The following PLAC1 variants were observed in gnomAD, a reference collection of about 807,000 sequenced individuals.
The protein encoded by PLAC1 is placenta-specific protein 1.
For synonymous variants in PLAC1, 68 were observed against 62.1 expected (o/e 1.09, Z -0.44); for missense variants, 136 against 163.2 (o/e 0.83, Z 0.91).
intron 2 of PLAC1, among the ~76,000 whole-genome samples, chrX:134,696,116 C>T (rs1349352609): frequency 8.9e-6 from 1 of 112,041 alleles, no homozygotes; most frequent in East Asian, 2.8e-4. Context: ...TCAGATTTAA[C>T]TGGCTTTCCT....
chrX:134,748,987 G>A (rs1028449795), intron 1 of PLAC1, among the ~76,000 whole-genome samples: 2 of 111,983 alleles, frequency 1.8e-5, no homozygotes, highest in Non-Finnish European at 3.8e-5. Context: ...TTTTTGACAC[G>A]AATCAGCCTT....
rs1384259167 is a variant in PLAC1 at position 134,576,710 on chromosome X, A to C, written c.-58-9970T>G. Among the ~76,000 whole-genome samples the C allele has an allele frequency of 4.5e-5, 5 of 111,506 alleles. No homozygotes were observed. In the Admixed American group the frequency reaches 4.8e-4, roughly 11 times the overall value. ...ACTTATGTCTTTACAAAAGGGGAAA[A>C]TGTGGACACAGAGACAGACACACAC... is the stretch of plus-strand genomic sequence containing the variant. On this transcript the variant is annotated intron_variant, in intron 2 of 2. Transcript: ENST00000359237.
intron 2 of PLAC1, among the ~76,000 whole-genome samples, chrX:134,684,598 A>T (rs1183792452): frequency 1.8e-5 from 2 of 111,217 alleles, no homozygotes; most frequent in African/African-American, 6.6e-5. Flanking sequence ...GCCACTTCAT[A>T]CAAAAGTCAT....
chrX:134,597,141 T>C (rs1180082453), intron 2 of PLAC1, among the ~76,000 whole-genome samples: 3 of 111,612 alleles, frequency 2.7e-5, no homozygotes, highest in Admixed American at 1.9e-4. Flanking sequence ...GAATGTTATA[T>C]CTTTTGTAAT....
chrX:134,586,078 T>C (rs1434146601), intron 2 of PLAC1, among the ~76,000 whole-genome samples: 1 of 112,098 alleles, frequency 8.9e-6, no homozygotes, highest in African/African-American at 3.2e-5. Context: ...AGGAAGTTTG[T>C]ATACATAGAG....
intron 2 of PLAC1, among the ~76,000 whole-genome samples, chrX:134,672,918 G>T (rs1009232767): frequency 6.2e-5 from 7 of 112,337 alleles, no homozygotes; most frequent in Non-Finnish European, 1.1e-4. Flanking sequence ...TATACTATTA[G>T]AGGCAAACTC....
chrX:134,750,526 C>G (rs1049581567), intron 1 of PLAC1, among the ~76,000 whole-genome samples: 1 of 108,754 alleles, frequency 9.2e-6, no homozygotes, highest in Non-Finnish European at 1.9e-5. Context: ...AAGATTTTTC[C>G]TAAATACTAA....
intron 2 of PLAC1, among the ~76,000 whole-genome samples, chrX:134,582,559 T>C (rs186905798): frequency 6.9e-4 from 77 of 112,308 alleles, no homozygotes; most frequent in African/African-American, 2.5e-3. Context: ...CAAGGGCTTA[T>C]GGTTTTGCTG....
intron 1 of PLAC1, among the ~76,000 whole-genome samples, chrX:134,612,205 AC>A (rs1193599142): frequency 9.0e-6 from 1 of 111,482 alleles, no homozygotes; most frequent in Admixed American, 9.6e-5. Context: ...TACAGTTCAA[AC>A]CCCAGCTTTC....
intron 2 of PLAC1, among the ~76,000 whole-genome samples, chrX:134,575,311 T>C (rs1225835370): frequency 9.0e-6 from 1 of 111,252 alleles, no homozygotes; most frequent in Non-Finnish European, 1.9e-5. Flanking sequence ...ACTTTGGGTG[T>C]GATAGCTCCT....
intron 2 of PLAC1, among the ~76,000 whole-genome samples, chrX:134,715,027 G>A (rs1172364146): frequency 4.5e-5 from 5 of 111,711 alleles, no homozygotes; most frequent in Non-Finnish European, 9.4e-5. Flanking sequence ...CACAATCCTC[G>A]TCTTTGATCA....
chrX:134,693,310 C>CA (rs1305819531), intron 2 of PLAC1, among the ~76,000 whole-genome samples: 2 of 111,537 alleles, frequency 1.8e-5, no homozygotes, highest in African/African-American at 6.5e-5. Flanking sequence ...CCCTCCCTGC[C>CA]AATACACTAC....
At chrX:134,600,669 G>A (rs2124384578) in intron 2 of PLAC1, among the ~76,000 whole-genome samples, 1 of 109,188 alleles carries the variant, frequency 9.2e-6, no homozygotes, top group Non-Finnish European at 1.9e-5. Context: ...TTTTTTTAAG[G>A]ATGAAGATTT....
chrX:134,714,609 G>A (rs962267782), intron 2 of PLAC1, among the ~76,000 whole-genome samples: 1 of 111,000 alleles, frequency 9.0e-6, no homozygotes, highest in African/African-American at 3.3e-5. Context: ...TCATCTTCTC[G>A]GATAGAAACT....
chrX:134,702,335 G>A (rs2078586311), intron 2 of PLAC1, among the ~76,000 whole-genome samples: 1 of 112,272 alleles, frequency 8.9e-6, no homozygotes, highest in African/African-American at 3.2e-5. Flanking sequence ...GCAAATACAT[G>A]CAATCAACCT....
intron 2 of PLAC1, among the ~76,000 whole-genome samples, chrX:134,679,883 C>T (rs1569403786): frequency 9.0e-6 from 1 of 111,714 alleles, no homozygotes; most frequent in South Asian, 3.8e-4. Context: ...TTGGTGTTGG[C>T]GGGTGAAGGT....
intron 2 of PLAC1, among the ~76,000 whole-genome samples, chrX:134,568,781 TCAA>T (rs2077890652): frequency 9.0e-6 from 1 of 111,644 alleles, no homozygotes; most frequent in African/African-American, 3.3e-5. Flanking sequence ...CCTGGATGAC[TCAA>T]CAGTTAAGTA....
intron 2 of PLAC1, among the ~76,000 whole-genome samples, chrX:134,580,832 G>A (rs1326788489): frequency 9.0e-6 from 1 of 111,669 alleles, no homozygotes; most frequent in Non-Finnish European, 1.9e-5. Context: ...TGCATACCCA[G>A]AACACAATGA....
intron 1 of PLAC1, among the ~76,000 whole-genome samples, chrX:134,643,130 AT>A (rs1226405040): frequency 8.9e-6 from 1 of 112,198 alleles, no homozygotes; most frequent in Admixed American, 9.5e-5. Flanking sequence ...AATAATTGGT[AT>A]TTTGTATTAA....
Sources: gnomAD v4.1 joint callset for allele counts (sites outside exome capture counted in the v4.1 genomes callset) on GRCh38, gnomAD v4.1.1 for gene constraint, MANE v1.5 for transcripts, NCBI Gene and HGNC (gene_info 2026-07-23, HGNC 2026-07-21) for gene names.